Variants in TBC1D22A observed in about 807,000 individuals in gnomAD.
The protein encoded by TBC1D22A is putative GTPase activator.
A neutral mutation model predicts 60.2 loss-of-function variants in TBC1D22A; 38 were observed. The observed-to-expected ratio is 0.63, with a 90% confidence interval of 0.49 to 0.83. TBC1D22A has a LOEUF of 0.83. Among genes scored for constraint, TBC1D22A ranks in the 40% least tolerant of loss-of-function variants. The pLI, the probability that TBC1D22A is intolerant of heterozygous loss-of-function variation, is 0.00. For synonymous variants in TBC1D22A, 302 were observed against 281.7 expected, an observed-to-expected ratio of 1.07 and a Z score of -0.72; for missense variants, 628 against 701.0, an observed-to-expected ratio of 0.90 and a Z score of 1.18.
At chr22:46,978,252 G>A (rs2074381461) in intron 9 of TBC1D22A, among the ~76,000 whole-genome samples, 5 of 152,232 alleles carry the variant, frequency 3.3e-5, no homozygotes, top group Admixed American at 2.6e-4. Context: ...TTATTGAAGA[G>A]CTTGAAGAGC....
At chr22:47,119,008 G>C (rs755020830) in intron 12 of TBC1D22A, among the ~76,000 whole-genome samples, 1 of 152,162 alleles carries the variant, frequency 6.6e-6, no homozygotes, top group Non-Finnish European at 1.5e-5. Flanking sequence ...AATTAGCCAG[G>C]TGTGGTGGCG....
intron 8 of TBC1D22A, among the ~76,000 whole-genome samples, chr22:46,947,665 C>T (rs1210450670): frequency 6.6e-6 from 1 of 152,188 alleles, no homozygotes; most frequent in Non-Finnish European, 1.5e-5. Context: ...CCCTCTGGCC[C>T]TTGCAAGTGT....
At position 46,828,163 on chromosome 22, in the gene TBC1D22A, A is replaced by G. The variant is rs533216755; in HGVS notation, c.637+30543A>G. On this transcript the variant is annotated intron_variant, in intron 4 of 12. Coordinates refer to ENST00000337137, the MANE Select transcript of TBC1D22A (RefSeq NM_014346.5). Reference sequence around the variant, plus strand: ...GGTTCTGGTGCAGCGTCAGGACTCCAGTGGGATTTTTCTTTTGTATTTGAG... The same window carrying G: ...GGTTCTGGTGCAGCGTCAGGACTCCGGTGGGATTTTTCTTTTGTATTTGAG... Among the ~76,000 whole-genome samples the G allele has an allele frequency of 2.3e-3, 355 of 152,340 alleles. 1 individual carries two copies. The highest frequency in any genetic ancestry group is 3.7e-3 in the Non-Finnish European group (254 of 68,024).
chr22:46,849,062 A>G (rs6008988), intron 4 of TBC1D22A, among the ~76,000 whole-genome samples: 51,912 of 152,000 alleles, frequency 0.34, 9,345 homozygotes, highest in African/African-American at 0.47. Flanking sequence ...GCTAGTTACA[A>G]TACTTAACCC....
intron 11 of TBC1D22A, among the ~76,000 whole-genome samples, chr22:47,062,350 C>A (rs1459440684): frequency 2.0e-5 from 3 of 152,146 alleles, no homozygotes; most frequent in African/African-American, 7.2e-5. Context: ...GTCTGAGGTC[C>A]ATTCTCTGTG....
chr22:46,771,873 G>C (rs531693082), intron 1 of TBC1D22A, among the ~76,000 whole-genome samples: 23 of 152,168 alleles, frequency 1.5e-4, no homozygotes, highest in African/African-American at 5.5e-4. Flanking sequence ...GAGATTACAG[G>C]CGTGAACCAC....
chr22:46,786,631 C>T (rs1555890070), intron 1 of TBC1D22A, among the ~76,000 whole-genome samples: 1 of 152,180 alleles, frequency 6.6e-6, no homozygotes, highest in Non-Finnish European at 1.5e-5. Flanking sequence ...GTGAATCCCT[C>T]TGGGCTTGGA....
intron 1 of TBC1D22A, among the ~76,000 whole-genome samples, chr22:46,782,668 A>G (rs748546992): frequency 6.6e-6 from 1 of 151,956 alleles, no homozygotes; most frequent in Non-Finnish European, 1.5e-5. Context: ...CTTGGCAACC[A>G]TGGGGCTGCT....
At chr22:46,989,786 C>CACACACACAA (rs1032013386) in intron 9 of TBC1D22A, among the ~76,000 whole-genome samples, 1 of 151,128 alleles carries the variant, frequency 6.6e-6, no homozygotes, top group African/African-American at 2.4e-5. Flanking sequence ...CACACACACA[C>CACACACACAA]AATAAATAAA....
intron 9 of TBC1D22A, among the ~76,000 whole-genome samples, chr22:46,988,079 G>GA (rs136128): frequency 5.2e-4 from 76 of 145,530 alleles, no homozygotes; most frequent in Admixed American, 4.0e-3. Context: ...GAAAAGAAAA[G>GA]AAAAAAAAAA....
At chr22:46,897,341 T>G (rs9627610) in intron 7 of TBC1D22A, among the ~76,000 whole-genome samples, 17,169 of 152,136 alleles carry the variant, frequency 0.11, 1,592 homozygotes, top group African/African-American at 0.26. Context: ...AGTGGCCCGC[T>G]ATCAGTCTGA....
intron 10 of TBC1D22A, among the ~76,000 whole-genome samples, chr22:47,004,858 C>T (rs111213409): frequency 0.02 from 3,064 of 151,760 alleles, 57 homozygotes; most frequent in South Asian, 0.084. Context: ...TGTACATACA[C>T]ACACCCCTGT....
At chr22:46,773,823 G>A in intron 1 of TBC1D22A, 1 of 568,078 alleles carries the variant, frequency 1.8e-6, no homozygotes, top group Non-Finnish European at 2.2e-6. Flanking sequence ...GCAGCTGGGG[G>A]TGGTACCGTG....
rs78060744 is a variant in TBC1D22A, at chr22:46,965,199, C to T, written c.1016-9091C>T. 2.7e-3 allele frequency among the ~76,000 whole-genome samples: 410 copies of T among 152,344 alleles called. 1 individual carries two copies. Among genetic ancestry groups the T allele is most frequent in the Non-Finnish European group, 4.5e-3 (308 of 68,030 alleles). Reference sequence around the variant, plus strand: ...GCAGAGGAACCTGCATTGTGTTTTTCAGTGGGTGTATTTCTTGATTTTTCG... The same window carrying T: ...GCAGAGGAACCTGCATTGTGTTTTTTAGTGGGTGTATTTCTTGATTTTTCG... On this transcript the variant is annotated intron_variant, in intron 8 of 12. Coordinates refer to ENST00000337137, the MANE Select transcript of TBC1D22A (RefSeq NM_014346.5).
chr22:46,828,212 T>G (rs998832266), intron 4 of TBC1D22A, among the ~76,000 whole-genome samples: 1 of 152,182 alleles, frequency 6.6e-6, no homozygotes, highest in East Asian at 1.9e-4. Flanking sequence ...GTGGGATACA[T>G]TTGCTCAGCA....
chr22:47,016,777 G>A (rs963359902), intron 10 of TBC1D22A, among the ~76,000 whole-genome samples: 12 of 152,212 alleles, frequency 7.9e-5, no homozygotes, highest in Non-Finnish European at 1.5e-4. Flanking sequence ...AGCTGCTGCC[G>A]CGGATGTCAT....
chr22:46,962,342 A>G (rs1465628541), intron 8 of TBC1D22A, among the ~76,000 whole-genome samples: 1 of 151,312 alleles, frequency 6.6e-6, no homozygotes, highest in Non-Finnish European at 1.5e-5. Context: ...CAGTGAGCAG[A>G]GCTGAAAAGA....
In TBC1D22A at chr22:47,126,171, G is replaced by A. The variant is rs1174678977; in HGVS notation, c.1425+14568G>A. ...TAATTTTTGAATTTTTAGTAGAGAC[G>A]GGGTTTCACCATGTTGGCCAGGCTA... On this transcript the variant is annotated intron_variant, in intron 12 of 12. Transcript: ENST00000337137. 2.6e-5 allele frequency among the ~76,000 whole-genome samples: 4 copies of A among 152,264 alleles called. No homozygotes were observed. The South Asian group carries it at 8.3e-4, about 32-fold the overall frequency.
At chr22:46,925,785 A>G (rs1193545823) in intron 8 of TBC1D22A, among the ~76,000 whole-genome samples, 1 of 152,250 alleles carries the variant, frequency 6.6e-6, no homozygotes, top group Non-Finnish European at 1.5e-5. Flanking sequence ...GCAAGAAACT[A>G]GAAGAATAAA....
Sources: allele counts gnomAD v4.1 joint callset (sites outside exome capture counted in the v4.1 genomes callset), GRCh38; gene constraint gnomAD v4.1.1; transcripts MANE v1.5; gene names NCBI Gene and HGNC (gene_info 2026-07-23, HGNC 2026-07-21).